SPPL3: variants seen among roughly 807,000 people sequenced by gnomAD.
SPPL3 encodes the protein signal peptide peptidase-like 3.
SPPL3 carries 5 observed loss-of-function variants against 42.4 expected under a neutral mutation model. The observed-to-expected ratio is 0.12, with a 90% confidence interval of 0.06 to 0.25. The LOEUF is 0.25. Among genes scored for constraint, SPPL3 ranks in the 10% least tolerant of loss-of-function variants. The pLI is 1.00. For missense variants in SPPL3, 235 were observed against 489.0 expected (o/e 0.48, Z 4.90); for synonymous variants, 195 against 181.8 (o/e 1.07, Z -0.58).
chr12:120,865,823 T>C (rs7969140), intron 1 of SPPL3, among the ~76,000 whole-genome samples: 62,592 of 152,078 alleles, frequency 0.41, 14,482 homozygotes, highest in Middle Eastern at 0.57. Context: ...GGCCGTACTG[T>C]AGGAGGAGAC....
chr12:120,825,101 A>G (rs1453216462), intron 1 of SPPL3, among the ~76,000 whole-genome samples: 2 of 152,088 alleles, frequency 1.3e-5, no homozygotes, highest in African/African-American at 4.8e-5. Flanking sequence ...ATGGAATCTT[A>G]ATTACTAACA....
At chr12:120,900,900 C>T (rs192606155) in intron 1 of SPPL3, among the ~76,000 whole-genome samples, 5 of 125,718 alleles carry the variant, frequency 4.0e-5, no homozygotes, top group South Asian at 2.5e-4. Flanking sequence ...CCAGCCTGGG[C>T]GAAAGAGTGA....
chr12:120,856,425 C>A (rs1158169143), intron 1 of SPPL3, among the ~76,000 whole-genome samples: 13 of 150,286 alleles, frequency 8.7e-5, no homozygotes, highest in African/African-American at 3.2e-4. Context: ...GAGGGCAGAG[C>A]AGAAGAATAC....
Position 120,890,810 on chromosome 12 carries a change from G to A in SPPL3, c.23+13035C>T, listed in dbSNP as rs1281710174. On this transcript the variant is annotated intron_variant, in intron 1 of 10. Transcript: ENST00000353487. ...CTACATATACACACAAACACGGAGC[G>A]AAAAGTCAACAGGCCTTATTATTTG... Among the ~76,000 whole-genome samples the A allele has an allele frequency of 5.3e-5, 8 of 152,196 alleles. No homozygotes were observed. The East Asian group carries it at 1.4e-3, about 26-fold the overall frequency.
At position 120,853,507 on chromosome 12, in the gene SPPL3, T is replaced by C. The variant is rs1233442601; in HGVS notation, c.24-42621A>G. ...CAAAACAAGAAGCTGTAACAAACCA[T>C]AGTATTCCTAATTCTTTTGATATAA... is the stretch of plus-strand genomic sequence containing the variant. On this transcript the variant is annotated intron_variant, in intron 1 of 10. Transcript: ENST00000353487. 3.3e-5 allele frequency among the ~76,000 whole-genome samples: 5 copies of C among 152,320 alleles called. No homozygotes were observed. In the South Asian group the frequency reaches 8.3e-4, roughly 25 times the overall value.
intron 1 of SPPL3, chr12:120,903,622 T>G: frequency 2.1e-6 from 1 of 471,342 alleles, no homozygotes; most frequent in Admixed American, 4.3e-5. Flanking sequence ...CGCCGCTGCC[T>G]CCTCCTCCAT....
At chr12:120,845,955 TG>T (rs1409030552) in intron 1 of SPPL3, among the ~76,000 whole-genome samples, 5 of 152,066 alleles carry the variant, frequency 3.3e-5, no homozygotes, top group Non-Finnish European at 7.4e-5. Flanking sequence ...TAGAGTGCGG[TG>T]GTGCAATCTT....
intron 6 of SPPL3, among the ~76,000 whole-genome samples, chr12:120,778,418 G>A (rs971810426): frequency 6.6e-6 from 1 of 151,930 alleles, no homozygotes; most frequent in African/African-American, 2.4e-5. Flanking sequence ...CGCCCGGCCT[G>A]AACAGTAAAA....
At chr12:120,843,835 A>G (rs988328500) in intron 1 of SPPL3, among the ~76,000 whole-genome samples, 3 of 152,100 alleles carry the variant, frequency 2.0e-5, no homozygotes, top group Admixed American at 2.0e-4. Context: ...GCACGCGCCT[A>G]TAACCCCAGC....
rs140941568 is a variant in SPPL3, at chr12:120,832,574, G to A, written c.24-21688C>T. Among the ~76,000 whole-genome samples the A allele has an allele frequency of 5.9e-4, 90 of 152,160 alleles. 1 individual carries two copies. The East Asian group carries it at 0.014, about 24-fold the overall frequency. On this transcript the variant is annotated intron_variant, in intron 1 of 10. Coordinates refer to ENST00000353487, the MANE Select transcript of SPPL3 (RefSeq NM_139015.5). The stretch of plus-strand genomic sequence containing the variant: ...TGTAATCCCAGCTACTCGGGAGGCT[G>A]AGGCAGGAGAATCACTTGAACCCGG...
At chr12:120,899,221 T>C (rs922790013) in intron 1 of SPPL3, among the ~76,000 whole-genome samples, 1 of 152,244 alleles carries the variant, frequency 6.6e-6, no homozygotes, top group Admixed American at 6.5e-5. Context: ...ATTTATTCTG[T>C]TAATAGCTTT....
chr12:120,903,921 G>C lies in SPPL3; in HGVS notation c.-54C>G. The C allele has an allele frequency of 1.5e-6, 2 of 1,313,180 alleles. No individual in the cohort carries two copies. Among genetic ancestry groups the C allele is most frequent in the Non-Finnish European group, 1.9e-6 (2 of 1,032,372 alleles). The allele number at this position is 1,313,180 out of a possible 1,614,324, so 81.3% of individuals were successfully genotyped here. Reference sequence around the variant, plus strand: ...GGCTGTGGCCGGGCCCGGCGGCGGCGGGCTCGCTCGGGCCGTAGCTGAAGG... The same window carrying C: ...GGCTGTGGCCGGGCCCGGCGGCGGCCGGCTCGCTCGGGCCGTAGCTGAAGG... On this transcript the variant is annotated 5_prime_UTR_variant, in exon 1 of 11. Coordinates refer to ENST00000353487, the MANE Select transcript of SPPL3 (RefSeq NM_139015.5).
intron 1 of SPPL3, among the ~76,000 whole-genome samples, chr12:120,885,852 T>C (rs1873436909): frequency 2.1e-5 from 1 of 47,322 alleles, no homozygotes; most frequent in Non-Finnish European, 4.6e-5. Context: ...ATTAAAACTT[T>C]TTTTTTTTTT....
chr12:120,766,122 A>G (rs916240529), intron 10 of SPPL3, 141 bp downstream of exon 10: 9 of 573,830 alleles, frequency 1.6e-5, no homozygotes, highest in South Asian at 4.7e-5. Context: ...ACACACACAC[A>G]CACACACACA....
At chr12:120,768,691 G>A (rs697859) in intron 7 of SPPL3, 515,215 of 677,382 alleles carry the variant, frequency 0.76, 198,323 homozygotes, top group African/African-American at 0.93. Flanking sequence ...ACTCCCTGAC[G>A]GGGTGGCCCC....
intron 6 of SPPL3, among the ~76,000 whole-genome samples, chr12:120,771,061 T>C (rs1401871775): frequency 6.6e-6 from 1 of 152,336 alleles, no homozygotes; most frequent in Admixed American, 6.5e-5. Flanking sequence ...CTGGCGTGCA[T>C]TGCTGCAATG....
intron 1 of SPPL3, among the ~76,000 whole-genome samples, chr12:120,830,571 GGGGGGGA>G (rs1871390074): frequency 1.9e-5 from 1 of 53,452 alleles, no homozygotes; most frequent in African/African-American, 6.6e-5. Context: ...GGGTGGGGGA[GGGGGGGA>G]AGGAGAGAGA....
chr12:120,859,059 A>T (rs1177292543), intron 1 of SPPL3, among the ~76,000 whole-genome samples: 1 of 152,166 alleles, frequency 6.6e-6, no homozygotes. Context: ...ATAGTAAGAA[A>T]ATCTCTCTAT....
intron 2 of SPPL3, among the ~76,000 whole-genome samples, chr12:120,794,449 G>T (rs11065266): frequency 0.11 from 15,980 of 152,048 alleles, 1,037 homozygotes; most frequent in East Asian, 0.3. Flanking sequence ...CCAGGCTGGA[G>T]TGCAGCAGTG....
Sources: allele counts gnomAD v4.1 joint callset (sites outside exome capture counted in the v4.1 genomes callset), GRCh38; gene constraint gnomAD v4.1.1; transcripts MANE v1.5; gene names NCBI Gene and HGNC (gene_info 2026-07-23, HGNC 2026-07-21).